The following EBF4 variants were observed in gnomAD, a reference collection of about 807,000 sequenced individuals.
The protein encoded by EBF4 is EBF transcription factor 4, also known as transcription factor COE4.
In EBF4, 34 loss-of-function variants were observed where a neutral mutation model predicts 67.1. The observed-to-expected ratio is 0.51, with a 90% CI of 0.39 to 0.67. The LOEUF is 0.67. Ranked by LOEUF, EBF4 falls within the 30% of genes least tolerant of loss-of-function variation. The pLI is 0.00. For synonymous variants in EBF4, 387 were observed against 377.7 expected (o/e 1.02, Z -0.29); for missense variants, 837 against 873.3 (o/e 0.96, Z 0.52).
At chr20:2,717,873 T>A (rs2087631186) in intron 6 of EBF4, among the ~76,000 whole-genome samples, 1 of 151,776 alleles carries the variant, frequency 6.6e-6, no homozygotes, top group African/African-American at 2.4e-5. Flanking sequence ...TGCAGTGGCA[T>A]GATTGCAGCT....
chr20:2,727,162 A>T (rs1018264955), intron 6 of EBF4, among the ~76,000 whole-genome samples: 2 of 151,976 alleles, frequency 1.3e-5, no homozygotes, highest in African/African-American at 4.8e-5. Flanking sequence ...ACCTTTTATT[A>T]TATATTATAT....
At chr20:2,706,689 T>C (rs1600206170) in intron 4 of EBF4, among the ~76,000 whole-genome samples, 1 of 152,272 alleles carries the variant, frequency 6.6e-6, no homozygotes, top group South Asian at 2.1e-4. Context: ...AATTAGTCAT[T>C]GGCTGGGAAC....
chr20:2,735,523 GTTC>G (rs1379508824), intron 6 of EBF4, among the ~76,000 whole-genome samples: 18 of 152,192 alleles, frequency 1.2e-4, no homozygotes. Flanking sequence ...GTTTGCCAGT[GTTC>G]TTGTTTCTTT....
rs1437687391 is a variant in EBF4 at position 2,755,261 on chromosome 20, TA to T, written c.1541-363del. On this transcript the variant is annotated intron_variant, in intron 14 of 16. Transcript: ENST00000609451. The surrounding 1 kb of genome is among the most constrained non-coding windows in gnomAD (Gnocchi z 4.7). ...GCCTTGGCACCCCAAGCAAGGCTCATAAATGTTTCCTAGCATCTCAGAATCC... is the reference window on the plus strand; with the variant it reads ...GCCTTGGCACCCCAAGCAAGGCTCATAATGTTTCCTAGCATCTCAGAATCC... 1 of 265,466 alleles carries T rather than the reference TA, an allele frequency of 3.8e-6. No individual in the cohort carries two copies. The highest frequency in any genetic ancestry group is 2.2e-5 in the African/African-American group (1 of 44,468). The allele number at this position is 265,466 out of a possible 1,614,324, so 16.4% of individuals were successfully genotyped here.
At chr20:2,749,269 CCCT>C (rs1217542667) in intron 7 of EBF4, 129 bp from the exon 8 acceptor site, 3 of 653,752 alleles carry the variant, frequency 4.6e-6, no homozygotes, top group East Asian at 3.0e-5. Flanking sequence ...AGGATTGAAG[CCCT>C]CCTCCTCCCA....
At chr20:2,692,815 CGGCGGCGGCGGCGGCGGG>C (rs1411362541), upstream of EBF4, 2 of 159,426 alleles carry the variant, frequency 1.3e-5, no homozygotes, top group Non-Finnish European at 2.6e-5. The surrounding 1 kb of genome is among the most constrained non-coding windows in gnomAD (Gnocchi z 6.4). Context: ...GCGGCGGCGG[CGGCGGCGGCGGCGGCGGG>C]ATGGCCCGGG....
intron 1 of EBF4, among the ~76,000 whole-genome samples, chr20:2,695,828 C>A (rs937266518): frequency 6.6e-6 from 1 of 152,044 alleles, no homozygotes; most frequent in African/African-American, 2.4e-5. Context: ...GAAACTTTCA[C>A]GGAAGTGCTC....
intron 6 of EBF4, among the ~76,000 whole-genome samples, chr20:2,732,577 C>T (rs188303635): frequency 6.6e-6 from 1 of 152,314 alleles, no homozygotes; most frequent in African/African-American, 2.4e-5. Flanking sequence ...TTAGGGTTCA[C>T]ATGTTATCTC....
chr20:2,700,572 C>A (rs936882990), intron 1 of EBF4, among the ~76,000 whole-genome samples: 7 of 152,192 alleles, frequency 4.6e-5, no homozygotes, highest in Non-Finnish European at 8.8e-5. Flanking sequence ...CCACATCCCA[C>A]CTGTGTCCCC....
chr20:2,705,870 G>T (rs2146384558), intron 2 of EBF4, 104 bp from the exon 3 acceptor site: 4 of 1,491,926 alleles, frequency 2.7e-6, no homozygotes, highest in Admixed American at 2.1e-5. Flanking sequence ...AGCTGGCTGA[G>T]TGGCTGGAAG....
intron 6 of EBF4, among the ~76,000 whole-genome samples, chr20:2,744,738 C>T (rs2088024744): frequency 6.6e-6 from 1 of 152,058 alleles, no homozygotes; most frequent in East Asian, 1.9e-4. Context: ...GCGATCCACC[C>T]ACCTCAGCCT....
chr20:2,695,788 C>A (rs553694637), intron 1 of EBF4, among the ~76,000 whole-genome samples: 5 of 151,768 alleles, frequency 3.3e-5, no homozygotes, highest in Non-Finnish European at 7.4e-5. Flanking sequence ...GCCTTCATCA[C>A]GGCCTGGTTT....
chr20:2,694,292 C>T (rs1419300370), intron 1 of EBF4, among the ~76,000 whole-genome samples: 5 of 152,060 alleles, frequency 3.3e-5, no homozygotes, highest in East Asian at 1.9e-4. Flanking sequence ...TGGACGGTGG[C>T]GAAGAGATGA....
intron 14 of EBF4, among the ~76,000 whole-genome samples, chr20:2,754,165 T>C (rs1029241301): frequency 2.0e-5 from 3 of 152,146 alleles, no homozygotes; most frequent in African/African-American, 7.2e-5. Flanking sequence ...CATTTCATGA[T>C]ATTGTCTTGA....
chr20:2,759,560 G>C (rs2088295052), downstream of EBF4: 1 of 158,270 alleles, frequency 6.3e-6, no homozygotes, highest in Non-Finnish European at 1.4e-5. Flanking sequence ...TCTGGGTCTT[G>C]GTTCCTCTGA....
At chr20:2,730,717 G>A (rs1398692564) in intron 6 of EBF4, among the ~76,000 whole-genome samples, 12 of 152,176 alleles carry the variant, frequency 7.9e-5, no homozygotes, top group Admixed American at 7.2e-4. Context: ...TTAGGCATGC[G>A]AAGCTGGCCT....
chr20:2,752,148 C>G lies in EBF4; in HGVS notation c.1236C>G (p.Pro412=), dbSNP rs1387247290. ...CTCTGTACAGCACCCCCCGCGCACC[C>G]GGGCCGCTCGCACCCCTGGCCCCGA... The change falls in exon 13 of 17, where the codon CCC becomes CCG. Residue 412 remains proline (P), a synonymous_variant. Coordinates refer to ENST00000609451, the Ensembl canonical transcript of EBF4. 213 of 1,448,224 alleles carry G rather than the reference C, an allele frequency of 1.5e-4. 1 individual carries two copies. The highest frequency in any genetic ancestry group is 1.8e-4 in the Non-Finnish European group (202 of 1,104,706). 89.7% of individuals were successfully genotyped at this position (1,448,224 alleles called of 1,614,324 possible). A position where few individuals can be genotyped will look rare whatever the true frequency, so the allele number is the denominator to read the frequency against.
chr20:2,703,476 G>C (rs2087406114), intron 1 of EBF4, among the ~76,000 whole-genome samples: 1 of 152,028 alleles, frequency 6.6e-6, no homozygotes, highest in Admixed American at 6.6e-5. Context: ...GCTCATGCCT[G>C]TAATCACAGC....
chr20:2,722,577 A>G (rs1286772147), intron 6 of EBF4, among the ~76,000 whole-genome samples: 2 of 152,140 alleles, frequency 1.3e-5, no homozygotes, highest in Non-Finnish European at 2.9e-5. Flanking sequence ...CCTGAGCTCT[A>G]TCTCCTCAAC....
Sources: allele counts gnomAD v4.1 joint callset (sites outside exome capture counted in the v4.1 genomes callset), GRCh38; gene constraint gnomAD v4.1.1; non-coding constraint Gnocchi (gnomAD v3.1); transcripts MANE v1.5; gene names NCBI Gene and HGNC (gene_info 2026-07-23, HGNC 2026-07-21).